Variants in SMARCAD1 observed in about 807,000 individuals in gnomAD.
SMARCAD1 encodes the protein SNF2 related chromatin remodeling ATPase with DExD box 1.
A neutral mutation model predicts 127.1 loss-of-function variants in SMARCAD1; 25 were observed. The observed-to-expected ratio is 0.20, with a 90% CI of 0.14 to 0.27. The LOEUF (loss-of-function observed/expected upper bound fraction) is 0.27, where lower values mean the gene tolerates loss of function less well. Ranked by LOEUF, SMARCAD1 falls within the 10% of genes least tolerant of loss-of-function variation. The probability of loss-of-function intolerance (pLI) is 1.00; values close to 1 mark genes in which losing one functional copy is unlikely to be tolerated. For missense variants in SMARCAD1, 807 were observed against 1,206.0 expected (o/e 0.67, Z 4.90); for synonymous variants, 400 against 396.9 (o/e 1.01, Z -0.09).
At chr4:94,280,951 T>C (rs569746409) in intron 20 of SMARCAD1, among the ~76,000 whole-genome samples, 171 bp downstream of exon 20, 79 of 149,432 alleles carry the variant, frequency 5.3e-4, no homozygotes, top group Non-Finnish European at 1.0e-3. Context: ...TCCTTTCCTC[T>C]GTTGAACCTC....
At chr4:94,250,256 C>T (rs551948099) in intron 7 of SMARCAD1, among the ~76,000 whole-genome samples, 2 of 151,894 alleles carry the variant, frequency 1.3e-5, no homozygotes, top group Non-Finnish European at 2.9e-5. Flanking sequence ...ATCCCATGAT[C>T]ATATATAGAA....
chr4:94,247,632 G>A (rs951240038), intron 6 of SMARCAD1, among the ~76,000 whole-genome samples: 4 of 151,984 alleles, frequency 2.6e-5, no homozygotes, highest in African/African-American at 9.7e-5. Flanking sequence ...AGTTCCAAAC[G>A]CTGTCATCAC....
At chr4:94,247,812 A>G (rs1158132282) in intron 6 of SMARCAD1, among the ~76,000 whole-genome samples, 1 of 152,036 alleles carries the variant, frequency 6.6e-6, no homozygotes, top group African/African-American at 2.4e-5. Context: ...CTTATTTTTT[A>G]ATTTCAGAAA....
In SMARCAD1 at chr4:94,244,638, C is replaced by T. The variant is rs778433807; in HGVS notation, c.705+3632C>T. On this transcript the variant is annotated intron_variant, in intron 6 of 23. Coordinates refer to ENST00000354268, the MANE Select transcript of SMARCAD1 (RefSeq NM_020159.5). The stretch of plus-strand genomic sequence containing the variant: ...TGAGCCTTTTAAAAGATATTGTTAA[C>T]GTCAGCCTTTGAGGTTCATGTCAGG... Among the ~76,000 whole-genome samples, 34 of 152,086 alleles carry T rather than the reference C, an allele frequency of 2.2e-4. 1 individual carries two copies. The highest frequency in any genetic ancestry group is 4.1e-4 in the Non-Finnish European group (28 of 67,992).
At chr4:94,288,724 A>T (rs534529712) in intron 23 of SMARCAD1, among the ~76,000 whole-genome samples, 1 of 152,160 alleles carries the variant, frequency 6.6e-6, no homozygotes, top group Non-Finnish European at 1.5e-5. Flanking sequence ...AATTATTCAT[A>T]GTTACAGATC....
intron 6 of SMARCAD1, among the ~76,000 whole-genome samples, chr4:94,244,130 A>G (rs185671060): frequency 1.6e-3 from 244 of 152,348 alleles, no homozygotes; most frequent in African/African-American, 5.7e-3. Context: ...AAGATTGTCA[A>G]ATATTTGGAT....
At chr4:94,226,389 TTTTTTTTTTTTTC>T (rs1028336987) in intron 3 of SMARCAD1, 93 bp downstream of exon 3, 27 of 636,068 alleles carry the variant, frequency 4.2e-5, no homozygotes, top group African/African-American at 5.8e-5. Flanking sequence ...GTGACTTCCC[TTTTTTTTTTTTTC>T]TTTTTTTTTT....
chr4:94,223,760 T>TA (rs1241473482), intron 2 of SMARCAD1, among the ~76,000 whole-genome samples: 2 of 63,050 alleles, frequency 3.2e-5, no homozygotes, highest in Non-Finnish European at 6.8e-5. Context: ...TTTTTTTTTT[T>TA]AAAGTAGAGA....
intron 16 of SMARCAD1, among the ~76,000 whole-genome samples, chr4:94,278,080 T>G (rs1753551578): frequency 6.6e-6 from 1 of 152,166 alleles, no homozygotes; most frequent in African/African-American, 2.4e-5. Flanking sequence ...CCCACGCTCC[T>G]CCTTACCCAC....
chr4:94,280,513 AAC>A (rs2125997822), intron 19 of SMARCAD1, 77 bp from the exon 20 acceptor site: 1 of 1,246,244 alleles, frequency 8.0e-7, no homozygotes, highest in East Asian at 2.5e-5. Context: ...ATCAGGTATA[AAC>A]AGTTTTATTA....
In SMARCAD1 at chr4:94,281,629, TTTA is replaced by T. The variant is rs764108345; in HGVS notation, c.2726+48_2726+50del. 141 of 1,233,070 alleles carry T rather than the reference TTTA, an allele frequency of 1.1e-4. 1 individual carries two copies. The highest frequency in any genetic ancestry group is 2.3e-4 in the South Asian group (19 of 82,678). The allele number at this position is 1,233,070 out of a possible 1,614,324, so 76.4% of individuals were successfully genotyped here. A position where few individuals can be genotyped will look rare whatever the true frequency, so the allele number is the denominator to read the frequency against. On this transcript the variant is annotated intron_variant, in intron 21 of 23. Transcript: ENST00000354268. ...ATGTTAGTTACAAAAAAATAACTCA[TTTA>T]TTATTATTGTTAGGATTTTAATTGT...
intron 9 of SMARCAD1, among the ~76,000 whole-genome samples, chr4:94,254,269 T>C (rs1749721448): frequency 6.6e-6 from 1 of 152,168 alleles, no homozygotes; most frequent in Admixed American, 6.5e-5. Flanking sequence ...TTAAAGTATT[T>C]GCTGAAGGGC....
At chr4:94,223,021 T>G (rs1744397404) in intron 2 of SMARCAD1, among the ~76,000 whole-genome samples, 1 of 151,962 alleles carries the variant, frequency 6.6e-6, no homozygotes, top group African/African-American at 2.4e-5. Context: ...TGTACTACAG[T>G]CTGTTTAAGG....
chr4:94,258,009 G>A (rs1472141925), intron 9 of SMARCAD1, among the ~76,000 whole-genome samples: 1 of 151,922 alleles, frequency 6.6e-6, no homozygotes, highest in Admixed American at 6.6e-5. Flanking sequence ...GATGAACCAT[G>A]TAGTGTACTA....
intron 9 of SMARCAD1, among the ~76,000 whole-genome samples, chr4:94,258,605 T>A (rs576555860): frequency 6.6e-6 from 1 of 152,326 alleles, no homozygotes; most frequent in African/African-American, 2.4e-5. Flanking sequence ...CTGAATTCAG[T>A]GCATGCCACT....
Position 94,240,950 on chromosome 4 carries a change from T to C in SMARCAD1, c.649T>C (p.Tyr217His). Residue 217 changes from tyrosine (Y) to histidine (H), a missense_variant, in exon 6 of 24, where the codon TAT becomes CAT. By Grantham distance (83) the Tyr-to-His change is moderately conservative. Coordinates refer to ENST00000354268, the MANE Select transcript of SMARCAD1 (RefSeq NM_020159.5). ...AAAATTATCTTCTTCTTCAGAGCCATATGAGGAAGATGAATTTAATGATGA... is the reference window on the plus strand; with the variant it reads ...AAAATTATCTTCTTCTTCAGAGCCACATGAGGAAGATGAATTTAATGATGA... Reference protein sequence around the residue: ...KRKLSSSSEPYEEDEFNDDQS... With the variant: ...KRKLSSSSEPHEEDEFNDDQS... 6.2e-7 allele frequency: 1 copy of C among 1,613,462 alleles called. No individual in the cohort carries two copies. Among genetic ancestry groups the C allele is most frequent in the South Asian group, 1.1e-5 (1 of 91,066 alleles).
chr4:94,275,598 T>C (rs1753141015), intron 14 of SMARCAD1, among the ~76,000 whole-genome samples: 2 of 152,090 alleles, frequency 1.3e-5, no homozygotes, highest in South Asian at 4.1e-4. Context: ...AGCTGCTAGC[T>C]ATTAACTATT....
intron 2 of SMARCAD1, among the ~76,000 whole-genome samples, chr4:94,225,136 T>C (rs1005918762): frequency 1.3e-5 from 2 of 152,226 alleles, no homozygotes; most frequent in Non-Finnish European, 2.9e-5. Context: ...TGACCTGTTT[T>C]TGAACAGACA....
intron 15 of SMARCAD1, 22 bp from the exon 16 acceptor site, chr4:94,277,000 T>A: frequency 6.2e-7 from 1 of 1,613,784 alleles, no homozygotes; most frequent in Non-Finnish European, 8.5e-7. Flanking sequence ...AAAGCTAATA[T>A]AAATTTTACC....
Sources: allele counts gnomAD v4.1 joint callset (sites outside exome capture counted in the v4.1 genomes callset), GRCh38; gene constraint gnomAD v4.1.1; transcripts MANE v1.5; gene names NCBI Gene and HGNC (gene_info 2026-07-23, HGNC 2026-07-21).